The following SNX29 variants were observed in gnomAD, a reference collection of about 807,000 sequenced individuals.
The protein encoded by SNX29 is sorting nexin 29.
A neutral mutation model predicts 102.1 loss-of-function variants in SNX29; 78 were observed. That is an observed-to-expected ratio of 0.76 (90% CI 0.64 to 0.92). The LOEUF is 0.92. SNX29 is among the 40% of genes least tolerant of loss of function. The pLI, the probability that SNX29 is intolerant of heterozygous loss-of-function variation, is 0.00. For missense variants in SNX29, 1,280 were observed against 1,061.7 expected, an observed-to-expected ratio of 1.21 and a Z score of -2.86; for synonymous variants, 580 against 414.5, an observed-to-expected ratio of 1.40 and a Z score of -4.85.
intron 20 of SNX29, among the ~76,000 whole-genome samples, chr16:12,540,542 G>A (rs929252541): frequency 1.3e-5 from 2 of 152,214 alleles, no homozygotes; most frequent in Admixed American, 1.3e-4. Context: ...CGGCTTCCTG[G>A]CAGCCACCCT....
chr16:12,518,539 T>G (rs146755002), intron 19 of SNX29, among the ~76,000 whole-genome samples: 2 of 152,264 alleles, frequency 1.3e-5, no homozygotes, highest in African/African-American at 4.8e-5. Context: ...GCTGCTTCCT[T>G]GCAGTGACAC....
In SNX29 at chr16:12,170,539, G is replaced by C. The variant is rs571933641; in HGVS notation, c.1596-29062G>C. ...CAGAGAGGAAAAGCTCAGGCAGAAG[G>C]AGGAGGGTAGATGGGCTGTTCGTGG... On this transcript the variant is annotated intron_variant, in intron 13 of 20. Transcript: ENST00000566228. Among the ~76,000 whole-genome samples the C allele has an allele frequency of 5.3e-5, 8 of 152,010 alleles. No individual in the cohort carries two copies. The South Asian group carries it at 1.7e-3, about 32-fold the overall frequency.
chr16:12,549,530 C>CAAATAGCCAGT (rs2077830685), intron 20 of SNX29, among the ~76,000 whole-genome samples: 2 of 151,736 alleles, frequency 1.3e-5, no homozygotes, highest in Non-Finnish European at 1.5e-5. Context: ...TCCTCTATCT[C>CAAATAGCCAGT]AAATAGCCAG....
rs867884006 is a variant in SNX29 at position 12,542,478 on chromosome 16, C to A, written c.2318+17637C>A. On this transcript the variant is annotated intron_variant, in intron 20 of 20. Transcript: ENST00000566228. The stretch of plus-strand genomic sequence containing the variant: ...TCCCAAGTAGCTGGGATTACAGGGA[C>A]CCACTACCACACCTGGCTCATTTTT... Among the ~76,000 whole-genome samples the A allele has an allele frequency of 2.0e-5, 3 of 152,206 alleles. No homozygotes were observed. The East Asian group carries it at 5.8e-4, about 29-fold the overall frequency.
chr16:12,347,971 TG>T (rs1260289213), intron 15 of SNX29, among the ~76,000 whole-genome samples: 4 of 150,918 alleles, frequency 2.7e-5, no homozygotes, highest in African/African-American at 9.7e-5. Context: ...CCCAGCTACT[TG>T]GGAGGCTGAG....
chr16:12,563,254 C>A (rs77093512), intron 20 of SNX29, among the ~76,000 whole-genome samples: 4 of 152,236 alleles, frequency 2.6e-5, no homozygotes, highest in African/African-American at 7.2e-5. Context: ...ACTGACCCCG[C>A]CCAGGTAGCA....
intron 3 of SNX29, among the ~76,000 whole-genome samples, chr16:12,020,024 T>C (rs1330709751): frequency 1.3e-5 from 2 of 152,228 alleles, no homozygotes; most frequent in African/African-American, 4.8e-5. Flanking sequence ...TATAAAGATA[T>C]TGACTTATCA....
intron 10 of SNX29, among the ~76,000 whole-genome samples, chr16:12,070,451 G>C (rs1455295572): frequency 1.3e-5 from 2 of 151,196 alleles, no homozygotes; most frequent in Non-Finnish European, 2.9e-5. Flanking sequence ...CCTTGCGATA[G>C]TTTACCGAGA....
At chr16:12,556,417 A>T (rs958510399) in intron 20 of SNX29, 4 of 152,386 alleles carry the variant, frequency 2.6e-5, no homozygotes, top group Non-Finnish European at 5.9e-5. Context: ...GACACTTCAG[A>T]TGGCTACAGA....
intron 14 of SNX29, among the ~76,000 whole-genome samples, chr16:12,240,585 CTTTTTTT>C (rs1180028807): frequency 2.1e-3 from 133 of 64,794 alleles, no homozygotes; most frequent in Non-Finnish European, 3.0e-3. Flanking sequence ...TTTGTCATTT[CTTTTTTT>C]TTTTTTTTTT....
At chr16:12,360,333 T>G (rs1280292160) in intron 16 of SNX29, among the ~76,000 whole-genome samples, 2 of 152,228 alleles carry the variant, frequency 1.3e-5, no homozygotes, top group East Asian at 3.8e-4. Flanking sequence ...CCTTGTCTTT[T>G]TTGTCATTAT....
At chr16:12,408,157 C>CAAAAAAAAAAAAAA (rs1555530421) in intron 18 of SNX29, among the ~76,000 whole-genome samples, 12 of 142,976 alleles carry the variant, frequency 8.4e-5, no homozygotes, top group African/African-American at 2.2e-4. Context: ...GGACCCTTCT[C>CAAAAAAAAAAAAAA]AAAAAAACAA....
intron 11 of SNX29, among the ~76,000 whole-genome samples, chr16:12,117,132 T>C (rs1704114): frequency 0.19 from 8,439 of 43,332 alleles, 989 homozygotes; most frequent in African/African-American, 0.38. Context: ...GAAACAGGCG[T>C]GGTCAATACG....
At chr16:12,528,202 C>T (rs564590682) in intron 20 of SNX29, among the ~76,000 whole-genome samples, 3 of 152,022 alleles carry the variant, frequency 2.0e-5, no homozygotes, top group Non-Finnish European at 2.9e-5. Context: ...ATCCAGACGT[C>T]AAGCTTCTTT....
chr16:12,232,785 A>C (rs2077809454), intron 14 of SNX29, among the ~76,000 whole-genome samples: 1 of 152,176 alleles, frequency 6.6e-6, no homozygotes, highest in African/African-American at 2.4e-5. Context: ...AGAGGGCTGG[A>C]AAGGAGATGA....
In SNX29 at chr16:12,199,592, T is replaced by C. The variant is rs4519350; in HGVS notation, c.1596-9T>C. The stretch of plus-strand genomic sequence containing the variant: ...AATATATATTTTTTTAACATTCTTG[T>C]ACCTGCAGAGAGAACGAGGTGCTCA... On this transcript the variant is annotated splice_polypyrimidine_tract_variant and intron_variant, in intron 13 of 20. Transcript: ENST00000566228. The C allele has an allele frequency of 1.9e-6, 3 of 1,609,298 alleles. No individual in the cohort carries two copies. The highest frequency in any genetic ancestry group is 2.5e-6 in the Non-Finnish European group (3 of 1,177,428).
intron 11 of SNX29, chr16:12,081,208 A>C (rs556943954): frequency 2.0e-5 from 3 of 152,086 alleles, no homozygotes; most frequent in Admixed American, 6.6e-5. Context: ...AAGAGAGATG[A>C]GTGCTGCTTC....
rs1345196299 is a variant in SNX29, at chr16:12,569,156, C to T, written c.*527C>T. The T allele has an allele frequency of 5.1e-6, 1 of 195,242 alleles. No individual in the cohort carries two copies. The highest frequency in any genetic ancestry group is 1.0e-5 in the Non-Finnish European group (1 of 98,394). The allele number at this position is 195,242 out of a possible 1,614,324, so 12.1% of individuals were successfully genotyped here. ...GGGGGGGGGGGGGCATGGTTCCTTT[C>T]ACTGCATTTTCCACCAACAGTCATT... On this transcript the variant is annotated 3_prime_UTR_variant, in exon 21 of 21. Coordinates refer to ENST00000566228, the MANE Select transcript of SNX29 (RefSeq NM_032167.5).
intron 3 of SNX29, among the ~76,000 whole-genome samples, chr16:12,009,485 A>G (rs903285552): frequency 1.4e-4 from 21 of 150,758 alleles, no homozygotes; most frequent in African/African-American, 4.9e-4. Context: ...GTGTGTATAT[A>G]TATATATGTA....
Sources: allele counts gnomAD v4.1 joint callset (sites outside exome capture counted in the v4.1 genomes callset), GRCh38; gene constraint gnomAD v4.1.1; transcripts MANE v1.5; gene names NCBI Gene and HGNC (gene_info 2026-07-23, HGNC 2026-07-21).